ZCWPW2: variants seen among roughly 807,000 people sequenced by gnomAD.
ZCWPW2 encodes the protein zinc finger CW-type and PWWP domain containing 2, also known as zinc finger CW-type PWWP domain protein 2.
A neutral mutation model predicts 46.6 loss-of-function variants in ZCWPW2; 45 were observed. The ratio of observed to expected loss-of-function variants is 0.96; its 90% CI spans 0.76 to 1.24. The LOEUF is 1.24. ZCWPW2 is among the 50% of genes most tolerant of loss of function. ZCWPW2 has a pLI of 0.00. For missense variants in ZCWPW2, 429 were observed against 403.9 expected (o/e 1.06, Z -0.53); for synonymous variants, 152 against 137.1 (o/e 1.11, Z -0.76).
At chr3:28,387,074 A>G (rs1406955647) in intron 1 of ZCWPW2, among the ~76,000 whole-genome samples, 1 of 152,178 alleles carries the variant, frequency 6.6e-6, no homozygotes, top group Non-Finnish European at 1.5e-5. Flanking sequence ...TTACCTGGCA[A>G]CAGGCATCTC....
At chr3:28,515,327 G>A (rs1199579138) in intron 7 of ZCWPW2, among the ~76,000 whole-genome samples, 1 of 152,154 alleles carries the variant, frequency 6.6e-6, no homozygotes, top group African/African-American at 2.4e-5. Context: ...AGTGTAAGGT[G>A]CTTGGTAAAT....
intron 2 of ZCWPW2, among the ~76,000 whole-genome samples, chr3:28,396,759 A>T (rs547731320): frequency 1.3e-5 from 2 of 152,234 alleles, no homozygotes; most frequent in Non-Finnish European, 2.9e-5. Context: ...TGCAAACAAT[A>T]AAACCAATTT....
At position 28,386,541 on chromosome 3, in the gene ZCWPW2, A is replaced by G. The variant is rs1387783474; in HGVS notation, c.-133-3957A>G. ...TTTTGTAAAGTTCAAGGTGCATCCT[A>G]TGAAAAATTATTAGCTAAAGTTTGC... On this transcript the variant is annotated intron_variant, in intron 1 of 9. Coordinates refer to ENST00000383768, the MANE Select transcript of ZCWPW2 (RefSeq NM_001040432.4). Among the ~76,000 whole-genome samples, 4 of 152,190 alleles carry G rather than the reference A, an allele frequency of 2.6e-5. No individual in the cohort carries two copies. In the East Asian group the frequency reaches 7.7e-4, roughly 29 times the overall value.
intron 4 of ZCWPW2, among the ~76,000 whole-genome samples, chr3:28,469,802 G>C (rs750569864): frequency 5.9e-5 from 9 of 151,940 alleles, no homozygotes; most frequent in Non-Finnish European, 1.2e-4. Flanking sequence ...AAGCTAAAGA[G>C]ATAGATAGGT....
chr3:28,518,288 T>A (rs1223800980), intron 8 of ZCWPW2, among the ~76,000 whole-genome samples: 1 of 151,286 alleles, frequency 6.6e-6, no homozygotes, highest in Non-Finnish European at 1.5e-5. Context: ...TTGAAACAAG[T>A]CAGAGAAACT....
At chr3:28,373,084 A>G (rs1705390351) in intron 1 of ZCWPW2, among the ~76,000 whole-genome samples, 1 of 152,168 alleles carries the variant, frequency 6.6e-6, no homozygotes, top group Admixed American at 6.5e-5. Flanking sequence ...GGGTGATTCC[A>G]TAATTTGGCT....
chr3:28,428,575 G>C (rs1283193634), intron 3 of ZCWPW2: 1 of 152,162 alleles, frequency 6.6e-6, no homozygotes, highest in African/African-American at 2.4e-5. Context: ...ATTTTTATTA[G>C]TTTACATTGT....
At chr3:28,445,958 G>A (rs1395269374) in intron 4 of ZCWPW2, among the ~76,000 whole-genome samples, 4 of 152,066 alleles carry the variant, frequency 2.6e-5, no homozygotes, top group African/African-American at 9.7e-5. Context: ...TTAATAAGAT[G>A]TTCAATATAG....
At chr3:28,450,677 G>C (rs1160252229) in intron 4 of ZCWPW2, among the ~76,000 whole-genome samples, 2 of 152,016 alleles carry the variant, frequency 1.3e-5, no homozygotes, top group Non-Finnish European at 2.9e-5. Context: ...GATGTTTTTG[G>C]CCATATATCT....
Position 28,413,205 on chromosome 3 carries a change from G to C in ZCWPW2, c.137G>C (p.Ser46Thr), listed in dbSNP as rs868158987. 1.2e-6 allele frequency: 2 copies of C among 1,613,306 alleles called. No homozygotes were observed. The highest frequency in any genetic ancestry group is 1.7e-6 in the Non-Finnish European group (2 of 1,179,576). Residue 46 changes from serine to threonine, a missense_variant, in exon 3 of 10, where the codon AGT becomes ACT. Transcript: ENST00000383768. The stretch of plus-strand genomic sequence containing the variant: ...TGTTTGAAATGGAGATTGTTATCAA[G>C]TGAGGATTCAGCCAAGGTTGATCAT... ...ENCLKWRLLS[S>T]EDSAKVDHDE...
chr3:28,512,343 GA>G (rs1382142711), intron 6 of ZCWPW2, among the ~76,000 whole-genome samples: 1 of 151,402 alleles, frequency 6.6e-6, no homozygotes, highest in Non-Finnish European at 1.5e-5. Context: ...ATGCCTGGCT[GA>G]TTTTTTTATT....
At chr3:28,474,620 T>TGTGTGC (rs777191108) in intron 4 of ZCWPW2, among the ~76,000 whole-genome samples, 1,461 of 121,606 alleles carry the variant, frequency 0.012, 20 homozygotes, top group African/African-American at 0.024. Context: ...TGTGTGTGTG[T>TGTGTGC]GCGCGCGCGC....
intron 1 of ZCWPW2, among the ~76,000 whole-genome samples, chr3:28,370,357 G>A (rs920011919): frequency 6.6e-6 from 1 of 152,162 alleles, no homozygotes; most frequent in African/African-American, 2.4e-5. Flanking sequence ...TAAATAGCTA[G>A]CAGTTTTAGA....
chr3:28,413,964 A>G (rs1696521419), intron 3 of ZCWPW2, among the ~76,000 whole-genome samples: 1 of 151,986 alleles, frequency 6.6e-6, no homozygotes, highest in Non-Finnish European at 1.5e-5. Context: ...AGATTTATGT[A>G]GATTTATTAT....
chr3:28,368,988 G>C (rs534710711), intron 1 of ZCWPW2, among the ~76,000 whole-genome samples: 1 of 151,924 alleles, frequency 6.6e-6, no homozygotes, highest in Non-Finnish European at 1.5e-5. Context: ...CGTAGTTCTC[G>C]TGCCATGGTT....
intron 2 of ZCWPW2, among the ~76,000 whole-genome samples, chr3:28,407,721 C>A (rs1696222024): frequency 6.6e-6 from 1 of 151,996 alleles, no homozygotes; most frequent in South Asian, 2.1e-4. Flanking sequence ...TTTTGTTTTT[C>A]TGCATTTTCT....
At chr3:28,494,469 G>A (rs1325050128) in intron 6 of ZCWPW2, among the ~76,000 whole-genome samples, 12 of 149,614 alleles carry the variant, frequency 8.0e-5, no homozygotes, top group Admixed American at 2.7e-4. Flanking sequence ...GTAGATATGC[G>A]GCATTATTTC....
At chr3:28,405,306 G>A (rs1696115998) in intron 2 of ZCWPW2, among the ~76,000 whole-genome samples, 1 of 152,098 alleles carries the variant, frequency 6.6e-6, no homozygotes, top group African/African-American at 2.4e-5. Flanking sequence ...GCATTAGGTG[G>A]TAGGCCTTTG....
intron 4 of ZCWPW2, among the ~76,000 whole-genome samples, chr3:28,466,417 A>G (rs1698827262): frequency 6.6e-6 from 1 of 152,242 alleles, no homozygotes; most frequent in African/African-American, 2.4e-5. Flanking sequence ...AATAGCAACA[A>G]AACATAAATA....
Sources: gnomAD v4.1 joint callset for allele counts (sites outside exome capture counted in the v4.1 genomes callset) on GRCh38, gnomAD v4.1.1 for gene constraint, MANE v1.5 for transcripts, NCBI Gene and HGNC (gene_info 2026-07-23, HGNC 2026-07-21) for gene names.